Variants in RALYL observed in about 807,000 individuals in gnomAD.
The protein encoded by RALYL is RNA-binding Raly-like protein.
In RALYL, 29 loss-of-function variants were observed where a neutral mutation model predicts 35.1. The observed-to-expected ratio is 0.83, with a 90% confidence interval of 0.61 to 1.13. The LOEUF (loss-of-function observed/expected upper bound fraction) is 1.13, where lower values mean the gene tolerates loss of function less well. Among genes scored for constraint, RALYL ranks in the 50% most tolerant of loss-of-function variants. RALYL has a pLI of 0.00. For synonymous variants in RALYL, 120 were observed against 127.6 expected, an observed-to-expected ratio of 0.94 and a Z score of 0.40; for missense variants, 359 against 360.4, an observed-to-expected ratio of 1.00 and a Z score of 0.03.
chr8:84,524,768 C>A (rs762535334), intron 1 of RALYL, among the ~76,000 whole-genome samples: 50 of 152,006 alleles, frequency 3.3e-4, no homozygotes, highest in Admixed American at 5.2e-4. Context: ...AGAGCATTTA[C>A]CACCTCAGCC....
At chr8:84,604,670 A>G (rs1050946511) in intron 2 of RALYL, among the ~76,000 whole-genome samples, 4 of 152,124 alleles carry the variant, frequency 2.6e-5, no homozygotes, top group Non-Finnish European at 4.4e-5. Flanking sequence ...AGTACATTTT[A>G]ATAGGGTTGT....
intron 2 of RALYL, among the ~76,000 whole-genome samples, chr8:84,667,681 A>G (rs1226873973): frequency 6.6e-6 from 1 of 152,056 alleles, no homozygotes; most frequent in Non-Finnish European, 1.5e-5. Flanking sequence ...GGTCAATGAC[A>G]GCCACTTCAG....
chr8:84,884,279 G>T (rs960632191), intron 7 of RALYL, among the ~76,000 whole-genome samples: 1 of 152,042 alleles, frequency 6.6e-6, no homozygotes, highest in Non-Finnish European at 1.5e-5. Context: ...CTATAAGACA[G>T]CATTTGATCA....
intron 1 of RALYL, among the ~76,000 whole-genome samples, chr8:84,494,237 G>A (rs1245463249): frequency 1.3e-5 from 2 of 151,942 alleles, no homozygotes; most frequent in East Asian, 3.9e-4. Context: ...TATTTCTGAG[G>A]TCTCTATTCT....
At chr8:84,717,362 ATTTG>A (rs947024900) in intron 2 of RALYL, among the ~76,000 whole-genome samples, 5 of 152,178 alleles carry the variant, frequency 3.3e-5, no homozygotes, top group East Asian at 1.9e-4. Context: ...TAACATAGTC[ATTTG>A]TTTGGGGAAG....
intron 1 of RALYL, among the ~76,000 whole-genome samples, chr8:84,402,746 ATTCATATT>A (rs970341199): frequency 2.0e-5 from 3 of 152,024 alleles, no homozygotes; most frequent in Non-Finnish European, 4.4e-5. Context: ...TCTCAAAGAG[ATTCATATT>A]TCCCTTGAGT....
At chr8:84,551,903 T>C (rs376838599) in intron 2 of RALYL, among the ~76,000 whole-genome samples, 6 of 152,210 alleles carry the variant, frequency 3.9e-5, no homozygotes, top group African/African-American at 1.2e-4. Flanking sequence ...TAGACTTTGC[T>C]CTGAATGCCT....
intron 2 of RALYL, among the ~76,000 whole-genome samples, chr8:84,543,027 T>C (rs2060120524): frequency 6.6e-6 from 1 of 152,182 alleles, no homozygotes; most frequent in South Asian, 2.1e-4. Context: ...TATATAATTG[T>C]ACAGGTCTAC....
At chr8:84,265,487 GC>G (rs1261115096) in intron 1 of RALYL, among the ~76,000 whole-genome samples, 1 of 152,158 alleles carries the variant, frequency 6.6e-6, no homozygotes, top group Non-Finnish European at 1.5e-5. Context: ...TCAGCTGACA[GC>G]CAGGAAGGAG....
chr8:84,578,081 G>T (rs1809904938), intron 2 of RALYL, among the ~76,000 whole-genome samples: 1 of 152,180 alleles, frequency 6.6e-6, no homozygotes, highest in Non-Finnish European at 1.5e-5. Context: ...CAGATCCCAT[G>T]CCTGCCAAGG....
intron 2 of RALYL, among the ~76,000 whole-genome samples, chr8:84,590,572 G>A (rs895999735): frequency 2.6e-5 from 4 of 152,120 alleles, no homozygotes; most frequent in African/African-American, 4.8e-5. Context: ...TTTGAAGGAC[G>A]CTCATGTGGA....
chr8:84,280,373 G>A lies in RALYL; in HGVS notation c.-24+95949G>A, dbSNP rs185644495. Among the ~76,000 whole-genome samples, 474 of 152,118 alleles carry A rather than the reference G, an allele frequency of 3.1e-3. 5 individuals carry two copies. The highest frequency in any genetic ancestry group is 0.011 in the African/African-American group (459 of 41,518). On this transcript the variant is annotated intron_variant, in intron 1 of 8. Transcript: ENST00000521268. Reference sequence around the variant, plus strand: ...CTACATGGAAAAATATTAATTTACAGATATTTTTAAAATTTCATTGAAAGG... The same window carrying A: ...CTACATGGAAAAATATTAATTTACAAATATTTTTAAAATTTCATTGAAAGG...
At chr8:84,358,948 A>C (rs1270503725) in intron 1 of RALYL, among the ~76,000 whole-genome samples, 1 of 152,060 alleles carries the variant, frequency 6.6e-6, no homozygotes. Flanking sequence ...TACTTTACGC[A>C]TTAGGTGATG....
intron 4 of RALYL, among the ~76,000 whole-genome samples, chr8:84,809,936 T>C (rs1825539975): frequency 6.6e-6 from 1 of 152,132 alleles, no homozygotes; most frequent in Non-Finnish European, 1.5e-5. Context: ...GAACCAGCTT[T>C]TTGTTTCATT....
At chr8:84,659,853 A>C (rs1830588415) in intron 2 of RALYL, among the ~76,000 whole-genome samples, 1 of 152,212 alleles carries the variant, frequency 6.6e-6, no homozygotes, top group African/African-American at 2.4e-5. Context: ...TAGATAACCG[A>C]TATTTTGAAG....
chr8:84,234,489 T>G (rs537338779), intron 1 of RALYL, among the ~76,000 whole-genome samples: 2 of 152,340 alleles, frequency 1.3e-5, no homozygotes, highest in South Asian at 4.1e-4. Flanking sequence ...GTACTTGATC[T>G]TTAATGTTAA....
chr8:84,698,364 T>C (rs187013879), intron 2 of RALYL, among the ~76,000 whole-genome samples: 8 of 152,256 alleles, frequency 5.3e-5, no homozygotes, highest in African/African-American at 1.9e-4. Context: ...ATTGCTTACA[T>C]TATAAAGCTA....
At chr8:84,751,490 G>A (rs1323897636) in intron 2 of RALYL, among the ~76,000 whole-genome samples, 1 of 152,088 alleles carries the variant, frequency 6.6e-6, no homozygotes, top group Admixed American at 6.5e-5. Flanking sequence ...TTACAGGCGT[G>A]AACCACCACG....
chr8:84,553,918 G>C (rs2060919585), intron 2 of RALYL, among the ~76,000 whole-genome samples: 2 of 152,112 alleles, frequency 1.3e-5, no homozygotes, highest in South Asian at 4.1e-4. Flanking sequence ...AACATTTGCT[G>C]TTAAGATGAA....
Sources: allele counts gnomAD v4.1 joint callset (sites outside exome capture counted in the v4.1 genomes callset), GRCh38; gene constraint gnomAD v4.1.1; transcripts MANE v1.5; gene names NCBI Gene and HGNC (gene_info 2026-07-23, HGNC 2026-07-21).